TTC21B: variants seen among roughly 807,000 people sequenced by gnomAD.
TTC21B encodes the protein tetratricopeptide repeat protein 21B.
TTC21B carries 127 observed loss-of-function variants against 175.1 expected under a neutral mutation model. The ratio of observed to expected loss-of-function variants is 0.73; its 90% CI spans 0.63 to 0.84. TTC21B has a LOEUF of 0.84. Ranked by LOEUF, TTC21B falls within the 40% of genes least tolerant of loss-of-function variation. TTC21B has a pLI of 0.00. For synonymous variants in TTC21B, 524 were observed against 524.5 expected, an observed-to-expected ratio of 1.00 and a Z score of 0.01; for missense variants, 1,561 against 1,558.3, an observed-to-expected ratio of 1.00 and a Z score of -0.03.
At chr2:165,923,569 C>T (rs150715385) in intron 12 of TTC21B, among the ~76,000 whole-genome samples, 5,709 of 150,476 alleles carry the variant, frequency 0.038, 343 homozygotes, top group African/African-American at 0.13. Context: ...CTCAGCCTCC[C>T]GAGTAGCTGG....
At position 165,924,638 on chromosome 2, in the gene TTC21B, C is replaced by G; in HGVS notation, c.1427G>C (p.Arg476Pro). 6.2e-7 allele frequency: 1 copy of G among 1,613,712 alleles called. No homozygotes were observed. ...PGQPLCPLLR[R>P]CISVLETVVR... ...TACAGTCTCCAGGACTGAGATGCAACGCCTGAGAAGTGGACAAAGAGGTTG... is the reference window on the plus strand; with the variant it reads ...TACAGTCTCCAGGACTGAGATGCAAGGCCTGAGAAGTGGACAAAGAGGTTG... The change falls in exon 12 of 29, where the codon CGT becomes CCT. Residue 476 changes from arginine (R) to proline (P), a missense_variant. Coordinates refer to ENST00000243344, the MANE Select transcript of TTC21B (RefSeq NM_024753.5).
chr2:165,898,623 A>G lies in TTC21B; in HGVS notation c.2950+63T>C, dbSNP rs533258836. 2.3e-5 allele frequency: 26 copies of G among 1,130,194 alleles called. No homozygotes were observed. The African/African-American group carries it at 3.2e-4, about 14-fold the overall frequency. 70.0% of individuals were successfully genotyped at this position (1,130,194 alleles called of 1,614,324 possible). A position where few individuals can be genotyped will look rare whatever the true frequency, so the allele number is the denominator to read the frequency against. ...TTGCCCGAGGGCATAACCACTAAAC[A>G]GAAGAAAAAAGGAGAAAGGGAGGGG... On this transcript the variant is annotated intron_variant, in intron 22 of 28. Coordinates refer to ENST00000243344, the MANE Select transcript of TTC21B (RefSeq NM_024753.5).
chr2:165,903,994 A>G (rs1297365729), intron 19 of TTC21B, among the ~76,000 whole-genome samples: 1 of 152,082 alleles, frequency 6.6e-6, no homozygotes, highest in Non-Finnish European at 1.5e-5. Flanking sequence ...TAACATATAA[A>G]CTCAAAATTG....
At position 165,877,928 on chromosome 2, in the gene TTC21B, T is replaced by C. The variant is rs72885072; in HGVS notation, c.3806-1696A>G. 8.9e-3 allele frequency among the ~76,000 whole-genome samples: 1,355 copies of C among 152,254 alleles called. 10 individuals carry two copies. The highest frequency in any genetic ancestry group is 0.015 in the Non-Finnish European group (1,050 of 68,008). ...GTGACATTCAAAAAGTAAAGCAATT[T>C]TTAAGATGTCATGCCAAACATACTT... On this transcript the variant is annotated intron_variant, in intron 27 of 28. Coordinates refer to ENST00000243344, the MANE Select transcript of TTC21B (RefSeq NM_024753.5).
At chr2:165,892,464 T>C (rs1365236308) in intron 22 of TTC21B, among the ~76,000 whole-genome samples, 1 of 152,200 alleles carries the variant, frequency 6.6e-6, no homozygotes, top group Admixed American at 6.5e-5. Flanking sequence ...AGAGCCCACA[T>C]GTCCATTGTG....
At chr2:165,943,395 T>C in intron 4 of TTC21B, 54 bp from the exon 5 acceptor site, 1 of 1,366,818 alleles carries the variant, frequency 7.3e-7, no homozygotes, top group Non-Finnish European at 1.0e-6. Context: ...GAAATAAATG[T>C]TAATGAAAGA....
In TTC21B at chr2:165,915,285, G is replaced by A. The variant is rs200930612; in HGVS notation, c.2054C>T (p.Pro685Leu). The change falls in exon 15 of 29, where the codon CCT becomes CTT. Residue 685 changes from proline (P) to leucine (L), a missense_variant. By Grantham distance (98) the Pro-to-Leu change is moderately conservative. Coordinates refer to ENST00000243344, the MANE Select transcript of TTC21B (RefSeq NM_024753.5). Reference sequence around the variant, plus strand: ...TTTTTCTCTGGCCTCTATAAAATAAGGCTGTTCGGCTGTAACATTCTGAAG... The same window carrying A: ...TTTTTCTCTGGCCTCTATAAAATAAAGCTGTTCGGCTGTAACATTCTGAAG... ...SILQNVTAEQ[P>L]YFIEAREKMA... The A allele has an allele frequency of 1.5e-5, 25 of 1,613,998 alleles. No homozygotes were observed. Among genetic ancestry groups the A allele is most frequent in the African/African-American group, 1.3e-4 (10 of 74,988 alleles).
intron 6 of TTC21B, among the ~76,000 whole-genome samples, chr2:165,939,219 G>A (rs1687278053): frequency 6.6e-6 from 1 of 152,134 alleles, no homozygotes; most frequent in South Asian, 2.1e-4. Context: ...ATAAATGATA[G>A]ACGATCTTAG....
chr2:165,884,501 T>TC (rs1553505903), intron 25 of TTC21B, among the ~76,000 whole-genome samples: 2 of 152,164 alleles, frequency 1.3e-5, no homozygotes, highest in Admixed American at 6.5e-5. Flanking sequence ...TTGCTTTTTT[T>TC]CCCCCTCCCT....
Position 165,941,031 on chromosome 2 carries a change from G to C in TTC21B, c.706C>G (p.Gln236Glu). The change falls in exon 6 of 29, where the codon CAA becomes GAA. Residue 236 changes from glutamine (Q) to glutamate (E), a missense_variant. Transcript: ENST00000243344. ...QDWDQTVETA[Q>E]RLLLQDSQNV... ...TGTCATCTTTTATTACTTAACCTTT[G>C]TGCTGTCTCAACTGTCTGGTCCCAA... The C allele has an allele frequency of 1.9e-6, 3 of 1,613,670 alleles. No individual in the cohort carries two copies. Among genetic ancestry groups the C allele is most frequent in the Non-Finnish European group, 2.5e-6 (3 of 1,179,726 alleles).
rs1375801524 is a variant in TTC21B at position 165,919,384 on chromosome 2, A to T, written c.1566T>A (p.Asn522Lys). 1 of 1,614,094 alleles carries T rather than the reference A, an allele frequency of 6.2e-7. No homozygotes were observed. Among genetic ancestry groups the T allele is most frequent in the Admixed American group, 1.7e-5 (1 of 60,010 alleles). ...FNNLQHCLEH[N>K]PSYADAHLLL... ...GCAGATGAGCATCAGCATAAGAGGG[A>T]TTGTGTTCTAAGCAGTGCTGAAGGT... Residue 522 changes from asparagine to lysine, a missense_variant, in exon 13 of 29, where the codon AAT becomes AAA. By Grantham distance (94) the Asn-to-Lys change is moderately conservative. Coordinates refer to ENST00000243344, the MANE Select transcript of TTC21B (RefSeq NM_024753.5).
At chr2:165,880,929 G>A (rs1684816257) in intron 26 of TTC21B, 130 bp from the exon 27 acceptor site, 1 of 995,362 alleles carries the variant, frequency 1.0e-6, no homozygotes, top group Non-Finnish European at 1.5e-6. Context: ...TTTCAACCTT[G>A]GCTAGGCAAT....
intron 18 of TTC21B, 87 bp from the exon 19 acceptor site, chr2:165,907,871 G>GA (rs1383268306): frequency 1.1e-6 from 1 of 923,886 alleles, no homozygotes; most frequent in Non-Finnish European, 1.6e-6. Flanking sequence ...CTGGTCTCTA[G>GA]AAAAAATGAT....
chr2:165,933,166 T>A, intron 6 of TTC21B, 109 bp from the exon 7 acceptor site: 1 of 768,642 alleles, frequency 1.3e-6, no homozygotes, highest in Non-Finnish European at 2.1e-6. Context: ...TTCAAATAAG[T>A]AATTTTCACT....
chr2:165,931,891 T>A (rs1352816730), intron 7 of TTC21B, 35 bp from the exon 8 acceptor site: 4 of 1,433,586 alleles, frequency 2.8e-6, no homozygotes, highest in Non-Finnish European at 2.9e-6. Flanking sequence ...ACTTAAAATA[T>A]ACTAAGTAAA....
At chr2:165,895,848 G>C (rs1685344871) in intron 22 of TTC21B, among the ~76,000 whole-genome samples, 1 of 152,054 alleles carries the variant, frequency 6.6e-6, no homozygotes, top group African/African-American at 2.4e-5. Context: ...GCCTGTGGTA[G>C]TCCCCATATT....
At chr2:165,925,497 T>C (rs763893390) in intron 11 of TTC21B, among the ~76,000 whole-genome samples, 1 of 152,144 alleles carries the variant, frequency 6.6e-6, no homozygotes, top group Non-Finnish European at 1.5e-5. Flanking sequence ...CCAAGCCCCC[T>C]GACACATAAA....
rs572261904 is a variant in TTC21B at position 165,935,423 on chromosome 2, T to C, written c.711-2366A>G. On this transcript the variant is annotated intron_variant, in intron 6 of 28. Transcript: ENST00000243344. ...GAACAGTGAAAAATAGGAAACTGCT[T>C]AGGTGCATACCAATGCGGAGAGATT... 1.8e-4 allele frequency among the ~76,000 whole-genome samples: 27 copies of C among 152,326 alleles called. No individual in the cohort carries two copies. In the South Asian group the frequency reaches 5.4e-3, roughly 30 times the overall value.
chr2:165,893,647 G>A (rs1238508997), intron 22 of TTC21B, among the ~76,000 whole-genome samples: 1 of 152,044 alleles, frequency 6.6e-6, no homozygotes, highest in African/African-American at 2.4e-5. Flanking sequence ...AATAGTTATA[G>A]GGTGATGAGA....
Sources: gnomAD v4.1 joint callset for allele counts (sites outside exome capture counted in the v4.1 genomes callset) on GRCh38, gnomAD v4.1.1 for gene constraint, MANE v1.5 for transcripts, NCBI Gene and HGNC (gene_info 2026-07-23, HGNC 2026-07-21) for gene names.